CPXM2: variants seen among roughly 807,000 people sequenced by gnomAD.
CPXM2 encodes the protein carboxypeptidase X, M14 family member 2.
CPXM2 carries 66 observed loss-of-function variants against 86.1 expected under a neutral mutation model. The observed-to-expected ratio is 0.77, with a 90% confidence interval of 0.63 to 0.94. The LOEUF is 0.94. Ranked by LOEUF, CPXM2 falls within the 40% of genes least tolerant of loss-of-function variation. The pLI is 0.00. For synonymous variants in CPXM2, 388 were observed against 400.2 expected (o/e 0.97, Z 0.36); for missense variants, 948 against 1,026.3 (o/e 0.92, Z 1.04).
chr10:123,848,347 T>C (rs868563270), intron 3 of CPXM2, among the ~76,000 whole-genome samples: 7 of 152,326 alleles, frequency 4.6e-5, no homozygotes, highest in South Asian at 2.1e-4. Flanking sequence ...ATTCCAACCT[T>C]AATCATCGGT....
At chr10:123,781,419 C>T (rs1220065487) in intron 6 of CPXM2, among the ~76,000 whole-genome samples, 1 of 152,200 alleles carries the variant, frequency 6.6e-6, no homozygotes, top group Non-Finnish European at 1.5e-5. Context: ...GAAGAGACCA[C>T]TCCATCTGCC....
At chr10:123,863,328 GT>G (rs779634122) in intron 2 of CPXM2, among the ~76,000 whole-genome samples, 4 of 152,184 alleles carry the variant, frequency 2.6e-5, no homozygotes, top group Non-Finnish European at 5.9e-5. Context: ...ACAGTGAGTG[GT>G]GGAGCATTTA....
At chr10:123,935,963 TACCATCATC>T (rs1428395350) in intron 2 of CPXM2, among the ~76,000 whole-genome samples, 2,327 of 143,242 alleles carry the variant, frequency 0.016, 93 homozygotes, top group African/African-American at 0.06. Context: ...CCAGCATCTT[TACCATCATC>T]ACCATCATCA....
intron 3 of CPXM2, among the ~76,000 whole-genome samples, chr10:123,846,543 G>A (rs61861886): frequency 0.023 from 3,539 of 152,266 alleles, 73 homozygotes; most frequent in South Asian, 0.089. Context: ...GTTCCTAACC[G>A]GCCATAGATT....
At chr10:123,943,596 G>T (rs1426531049), upstream of CPXM2, among the ~76,000 whole-genome samples, 1 of 152,222 alleles carries the variant, frequency 6.6e-6, no homozygotes, top group East Asian at 1.9e-4. Flanking sequence ...GAAGTGCAGA[G>T]CAATGAGGTT....
chr10:123,771,686 A>G (rs1160173307), intron 7 of CPXM2, among the ~76,000 whole-genome samples: 1 of 152,166 alleles, frequency 6.6e-6, no homozygotes, highest in Non-Finnish European at 1.5e-5. Context: ...TCCCACCCAA[A>G]ACTCATCTTG....
chr10:123,767,111 G>A lies in CPXM2; in HGVS notation c.1341C>T (p.His447=), dbSNP rs7078024. The change falls in exon 10 of 14, where the codon CAC becomes CAT. Residue 447 remains histidine (H), a synonymous_variant. Transcript: ENST00000241305. ...AGTTGTTGTTGATGTCAATTCCATC[G>A]TGGGTCCAGCGTCCCAGGGACCAGC... ...LGGWSLGRWT[H]DGIDINNNFP... 1,928 of 1,614,102 alleles carry A rather than the reference G, an allele frequency of 1.2e-3. 19 individuals are homozygous for A. In the African/African-American group the frequency reaches 0.02, roughly 17 times the overall value.
intron 10 of CPXM2, among the ~76,000 whole-genome samples, chr10:123,765,856 CAAGG>C (rs1187676899): frequency 2.6e-5 from 4 of 152,220 alleles, no homozygotes; most frequent in African/African-American, 9.7e-5. Context: ...GCTGGAACGC[CAAGG>C]GAGAGCAGCT....
chr10:123,794,456 C>T (rs938423866), intron 6 of CPXM2, among the ~76,000 whole-genome samples: 1 of 152,152 alleles, frequency 6.6e-6, no homozygotes, highest in Non-Finnish European at 1.5e-5. Flanking sequence ...CTCACCTGGT[C>T]CTTTTAAGAA....
rs745720213 is a variant in CPXM2 at position 123,761,987 on chromosome 10, G to A, written c.1662C>T (p.Ser554=). 1.2e-6 allele frequency: 2 copies of A among 1,613,774 alleles called. No individual in the cohort carries two copies. Among genetic ancestry groups the A allele is most frequent in the Middle Eastern group, 1.7e-4 (1 of 6,058 alleles). ...TCATGAGGCGGTGTGTGGAGGCATA[G>A]GAGTAGGCCAGCCAGCGGAACACGT... is the stretch of plus-strand genomic sequence containing the variant. ...DDHVFRWLAY[S]YASTHRLMTD... is the part of the protein sequence containing the mutation. The change falls in exon 11 of 14, where the codon TCC becomes TCT. Residue 554 remains serine, a synonymous_variant. Transcript: ENST00000241305.
intron 3 of CPXM2, among the ~76,000 whole-genome samples, chr10:123,848,396 G>T (rs1352188626): frequency 6.6e-6 from 1 of 152,166 alleles, no homozygotes; most frequent in Non-Finnish European, 1.5e-5. Flanking sequence ...CATTGTTTTT[G>T]AAGCAACTTT....
upstream of CPXM2, among the ~76,000 whole-genome samples, chr10:123,940,999 G>T (rs538636235): frequency 6.7e-6 from 1 of 150,094 alleles, no homozygotes; most frequent in East Asian, 2.0e-4. Flanking sequence ...GTGAAAGCCC[G>T]TCTCTACTAA....
chr10:123,787,733 A>G (rs1589998521), intron 6 of CPXM2, among the ~76,000 whole-genome samples: 4 of 151,998 alleles, frequency 2.6e-5, no homozygotes, highest in Admixed American at 2.6e-4. Flanking sequence ...GCTGGGGAAA[A>G]GAGGTTCCTT....
intron 5 of CPXM2, 66 bp downstream of exon 5, chr10:123,799,049 G>A (rs1847397017): frequency 6.5e-7 from 1 of 1,549,762 alleles, no homozygotes; most frequent in Non-Finnish European, 8.9e-7. Flanking sequence ...ATCATACATT[G>A]CCTCTCTTTG....
chr10:123,907,472 C>G (rs1308276685), intron 2 of CPXM2, among the ~76,000 whole-genome samples: 1 of 152,222 alleles, frequency 6.6e-6, no homozygotes, highest in Non-Finnish European at 1.5e-5. Context: ...CTTACCCACC[C>G]TCCCGCAGCA....
At chr10:123,787,937 CTTCTT>C (rs1362011494) in intron 6 of CPXM2, among the ~76,000 whole-genome samples, 1 of 152,044 alleles carries the variant, frequency 6.6e-6, no homozygotes, top group Non-Finnish European at 1.5e-5. Flanking sequence ...TTTTCTCTCT[CTTCTT>C]TTCTTATCCC....
chr10:123,762,578 T>G (rs1466448520), intron 10 of CPXM2, among the ~76,000 whole-genome samples: 1 of 152,140 alleles, frequency 6.6e-6, no homozygotes, highest in African/African-American at 2.4e-5. Flanking sequence ...GCTTCAGTAA[T>G]CTGGGGGAGG....
chr10:123,916,330 G>A (rs1487373522), intron 2 of CPXM2, among the ~76,000 whole-genome samples: 1 of 152,168 alleles, frequency 6.6e-6, no homozygotes, highest in African/African-American at 2.4e-5. Context: ...AAGCCACTCT[G>A]CGCTGATGAA....
At chr10:123,839,011 G>A (rs1176849907) in intron 4 of CPXM2, among the ~76,000 whole-genome samples, 2 of 152,136 alleles carry the variant, frequency 1.3e-5, no homozygotes, top group African/African-American at 2.4e-5. Flanking sequence ...ATATTTCCAA[G>A]AAAGATTTTA....
Sources: gnomAD v4.1 joint callset for allele counts (sites outside exome capture counted in the v4.1 genomes callset) on GRCh38, gnomAD v4.1.1 for gene constraint, MANE v1.5 for transcripts, NCBI Gene and HGNC (gene_info 2026-07-23, HGNC 2026-07-21) for gene names.